TTN: variants seen among roughly 807,000 people sequenced by gnomAD.
TTN encodes the protein titin.
In TTN, 1,525 loss-of-function variants were observed where a neutral mutation model predicts 3,223.0. The ratio of observed to expected loss-of-function variants is 0.47; its 90% CI spans 0.45 to 0.49. The LOEUF (loss-of-function observed/expected upper bound fraction) is 0.49. Among genes scored for constraint, TTN ranks in the 20% least tolerant of loss-of-function variants. The pLI is 0.00. For synonymous variants in TTN, 14,094 were observed against 15,161.0 expected (o/e 0.93, Z 5.17); for missense variants, 40,786 against 43,424.0 (o/e 0.94, Z 5.40).
chr2:178,586,915 C>A, intron 307 of TTN, 108 bp from the exon 308 acceptor site: 1 of 1,456,412 alleles, frequency 6.9e-7, no homozygotes, highest in East Asian at 2.3e-5. Flanking sequence ...TACATAGAAC[C>A]TGTAGTTCAG....
At position 178,650,850 on chromosome 2, in the gene TTN, T is replaced by C; in HGVS notation, c.39626-16A>G. 1 of 1,584,058 alleles carries C rather than the reference T, an allele frequency of 6.3e-7. No homozygotes were observed. Among genetic ancestry groups the C allele is most frequent in the Non-Finnish European group, 8.6e-7 (1 of 1,163,270 alleles). Reference sequence around the variant, plus strand: ...ACTTCTGGCACTTTAAAGATATTAATTCATTTTTCTTATGAGTAGTTGAGA... The same window carrying C: ...ACTTCTGGCACTTTAAAGATATTAACTCATTTTTCTTATGAGTAGTTGAGA... On this transcript the variant is annotated splice_polypyrimidine_tract_variant and intron_variant, in intron 208 of 362. Transcript: ENST00000589042.
intron 11 of TTN, 130 bp from the exon 12 acceptor site, chr2:178,790,245 T>A: frequency 1.1e-6 from 1 of 944,892 alleles, no homozygotes; most frequent in Non-Finnish European, 1.5e-6. Flanking sequence ...CACTAAAATA[T>A]ATCATTTGAG....
Position 178,526,864 on chromosome 2 carries a change from G to A in TTN, c.*148C>T. The A allele has an allele frequency of 1.5e-6, 1 of 667,200 alleles. No individual in the cohort carries two copies. Among genetic ancestry groups the A allele is most frequent in the Non-Finnish European group, 2.4e-6 (1 of 416,744 alleles). The allele number at this position is 667,200 out of a possible 1,614,324, so 41.3% of individuals were successfully genotyped here. On this transcript the variant is annotated 3_prime_UTR_variant, in exon 363 of 363. Coordinates refer to ENST00000589042, the MANE Select transcript of TTN (RefSeq NM_001267550.2). ...TTAGGTCAACAATTATGAAAAGATT[G>A]AAATGAATATTTTTGAACTTTGACT...
intron 74 of TTN, 23 bp downstream of exon 74, chr2:178,723,395 A>C (rs1230844183): frequency 6.2e-7 from 1 of 1,605,360 alleles, no homozygotes; most frequent in South Asian, 1.1e-5. Context: ...GAAAACAGAA[A>C]AAGTGAATCC....
At position 178,711,091 on chromosome 2, in the gene TTN, G is replaced by C; in HGVS notation, c.28145C>G (p.Ala9382Gly). The change falls in exon 97 of 363, where the codon GCT becomes GGT. Residue 9382 changes from alanine to glycine, a missense_variant. Physicochemically the swap from Ala to Gly is moderately conservative, Grantham distance 60. Coordinates refer to ENST00000589042, the MANE Select transcript of TTN (RefSeq NM_001267550.2). ...SCTATNPIGS[A>G]SSSARLILTE... ...GAGAATGAGCCTGGCACTGGAAGAA[G>C]CAGAGCCTATAGGGTTTGTAGCTGT... 1.2e-6 allele frequency: 2 copies of C among 1,603,694 alleles called. No individual in the cohort carries two copies. The highest frequency in any genetic ancestry group is 2.2e-5 in the South Asian group (2 of 89,148).
rs1175343819 is a variant in TTN, at chr2:178,558,328, A to C, written c.87118+13T>G. ...TAATTTCAAATTTTGCTTCTACACA[A>C]AATTAGACATACCTAGTTGCTCCTT... On this transcript the variant is annotated intron_variant, in intron 327 of 362. Transcript: ENST00000589042. The C allele has an allele frequency of 1.9e-6, 3 of 1,603,606 alleles. No individual in the cohort carries two copies. Among genetic ancestry groups the C allele is most frequent in the African/African-American group, 2.7e-5 (2 of 74,322 alleles).
chr2:178,750,743 A>G (rs758654951), intron 47 of TTN: 30 of 1,613,002 alleles, frequency 1.9e-5, no homozygotes, highest in Non-Finnish European at 2.5e-5. Context: ...AACATTTACA[A>G]GTGTACCAAA....
intron 129 of TTN, 126 bp from the exon 130 acceptor site, chr2:178,685,115 A>G (rs1296704298): frequency 3.0e-5 from 34 of 1,134,592 alleles, no homozygotes; most frequent in Non-Finnish European, 4.2e-5. Flanking sequence ...TATACTCAGT[A>G]AATACGTTCA....
chr2:178,633,937 G>C lies in TTN; in HGVS notation c.42562C>G (p.Leu14188Val). 6.2e-7 allele frequency: 1 copy of C among 1,613,390 alleles called. No homozygotes were observed. The highest frequency in any genetic ancestry group is 8.5e-7 in the Non-Finnish European group (1 of 1,179,560). Residue 14188 changes from leucine to valine, a missense_variant, in exon 231 of 363, where the codon CTC (leucine) becomes GTC (valine). Physicochemically the swap from Leu to Val is conservative, Grantham distance 32. Coordinates refer to ENST00000589042, the MANE Select transcript of TTN (RefSeq NM_001267550.2). The part of the protein sequence containing the change: ...DAKLHTSRTV[L>V]ISSEGKTHKL... ...TGAGTCTTGCCCTCAGAAGAGATGA[G>C]TACTGTTCTGCTTGTATGGAGTTTG...
At chr2:178,708,831 A>G (rs1014177859) in intron 99 of TTN, among the ~76,000 whole-genome samples, 1 of 152,150 alleles carries the variant, frequency 6.6e-6, no homozygotes, top group Non-Finnish European at 1.5e-5. Context: ...AGATCATAAG[A>G]GTTGGTAATT....
At position 178,557,376 on chromosome 2, in the gene TTN, G is replaced by C. The variant is rs1304860683; in HGVS notation, c.87886C>G (p.His29296Asp). 5 of 1,613,836 alleles carry C rather than the reference G, an allele frequency of 3.1e-6. No homozygotes were observed. The highest frequency in any genetic ancestry group is 1.3e-5 in the African/African-American group (1 of 74,934). Reference protein sequence around the residue: ...KANKLVIRTTHFKVTTISAGL... With the variant: ...KANKLVIRTTDFKVTTISAGL... ...GCACTGATTGTTGTGACTTTGAAGT[G>C]AGTTGTGCGGATGACCAGTTTGTTG... Residue 29296 changes from histidine (H) to aspartate (D), a missense_variant, in exon 329 of 363, where the codon CAC becomes GAC. By Grantham distance (81) the His-to-Asp change is moderately conservative. Coordinates refer to ENST00000589042, the MANE Select transcript of TTN (RefSeq NM_001267550.2).
At chr2:178,671,902 A>G in intron 155 of TTN, 69 bp downstream of exon 155, 1 of 1,536,950 alleles carries the variant, frequency 6.5e-7, no homozygotes, top group Non-Finnish European at 8.7e-7. Flanking sequence ...AACTGAACAC[A>G]AAATTTACTT....
Position 178,545,530 on chromosome 2 carries a change from G to A in TTN, c.95580C>T (p.Asp31860=), listed in dbSNP as rs2154145125. The part of the protein sequence containing the change: ...KSLRWTRVNK[D]YVVYDTRLKV... ...TCAGCCTGGTATCATACACCACATA[G>A]TCTTTGTTGACACGTGTCCAGCGCA... Residue 31860 remains aspartate, a synonymous_variant, in exon 344 of 363, where the codon GAC becomes GAT. Coordinates refer to ENST00000589042, the MANE Select transcript of TTN (RefSeq NM_001267550.2). 6 of 1,613,662 alleles carry A rather than the reference G, an allele frequency of 3.7e-6. No homozygotes were observed. The highest frequency in any genetic ancestry group is 5.1e-6 in the Non-Finnish European group (6 of 1,179,678).
Position 178,790,813 on chromosome 2 carries a change from G to A in TTN, c.1695C>T (p.Ser565=). 6.2e-7 allele frequency: 1 copy of A among 1,614,102 alleles called. No homozygotes were observed. ...IRQETEITAA[S]MVVVATAKST... The stretch of plus-strand genomic sequence containing the variant: ...ACTTTGCAGTGGCAACTACCACCAT[G>A]GATGCAGCAGTTATCTCAGTTTCCT... The change falls in exon 11 of 363, where the codon TCC becomes TCT. Residue 565 remains serine, a synonymous_variant. Transcript: ENST00000589042.
At chr2:178,616,653 G>A in intron 256 of TTN, 23 bp from the exon 257 acceptor site, 3 of 1,612,082 alleles carry the variant, frequency 1.9e-6, no homozygotes, top group Non-Finnish European at 2.5e-6. Context: ...GCACTCACGA[G>A]TCACTGTTAA....
Position 178,551,909 on chromosome 2 carries a change from G to C in TTN, c.90991C>G (p.Pro30331Ala). The C allele has an allele frequency of 6.2e-7, 1 of 1,613,694 alleles. No homozygotes were observed. Among genetic ancestry groups the C allele is most frequent in the Non-Finnish European group, 8.5e-7 (1 of 1,179,710 alleles). The change falls in exon 335 of 363, where the codon CCA becomes GCA. Residue 30331 changes from proline to alanine, a missense_variant. Pro to Ala is a conservative substitution (Grantham distance 27). Coordinates refer to ENST00000589042, the MANE Select transcript of TTN (RefSeq NM_001267550.2). ...QFRIPGPPGK[P>A]VIYNVTSDGM... is the part of the protein sequence containing the mutation. ...TCAGAAGTCACATTGTATATAACTG[G>C]CTTTCCTGGGGGACCAGGAATCCTG...
chr2:178,712,732 C>A lies in TTN; in HGVS notation c.27293G>T (p.Gly9098Val). Reference protein sequence around the residue: ...EYTCIVSNEAGKASCTTHLYI... With the variant: ...EYTCIVSNEAVKASCTTHLYI... ...GAGATGTGTTGTACAAGAAGCCTTG[C>A]CAGCTTCATTGCTAACTATGCAAGT... is the stretch of plus-strand genomic sequence containing the variant. The change falls in exon 94 of 363, where the codon GGC becomes GTC. Residue 9098 changes from glycine to valine, a missense_variant. Coordinates refer to ENST00000589042, the MANE Select transcript of TTN (RefSeq NM_001267550.2). 6.2e-7 allele frequency: 1 copy of A among 1,613,744 alleles called. No homozygotes were observed.
rs370679926 is a variant in TTN at position 178,723,308 on chromosome 2, C to A, written c.21699G>T (p.Leu7233Phe). ...RLFVKEPAAFLKRLSDHSVEP... is the reference protein window; with the variant it reads ...RLFVKEPAAFFKRLSDHSVEP... ...CTACAGAATGATCACTTAATCTCTTCAAAAATGCAGCTGGTTCTAGTAAGT... is the reference window on the plus strand; with the variant it reads ...CTACAGAATGATCACTTAATCTCTTAAAAAATGCAGCTGGTTCTAGTAAGT... Residue 7233 changes from leucine (L) to phenylalanine (F), a missense_variant, in exon 75 of 363, where the codon TTG (leucine) becomes TTT (phenylalanine). Transcript: ENST00000589042. The A allele has an allele frequency of 1.2e-6, 2 of 1,611,504 alleles. No homozygotes were observed. Among genetic ancestry groups the A allele is most frequent in the Non-Finnish European group, 1.7e-6 (2 of 1,178,720 alleles).
rs767975561 is a variant in TTN, at chr2:178,609,579, A to T, written c.51740-9T>A. On this transcript the variant is annotated splice_polypyrimidine_tract_variant and intron_variant, in intron 272 of 362. Transcript: ENST00000589042. ...AATGACTTTGGGGGCATCTATAGTG[A>T]TCATAACCAATAAATGTTTTCAATT... 6.3e-7 allele frequency: 1 copy of T among 1,578,408 alleles called. No individual in the cohort carries two copies.
Sources: gnomAD v4.1 joint callset for allele counts (sites outside exome capture counted in the v4.1 genomes callset) on GRCh38, gnomAD v4.1.1 for gene constraint, MANE v1.5 for transcripts, NCBI Gene and HGNC (gene_info 2026-07-23, HGNC 2026-07-21) for gene names.